Variants in PLCH2 observed in about 807,000 individuals in gnomAD.
PLCH2 encodes the protein 1-phosphatidylinositol 4,5-bisphosphate phosphodiesterase eta-2.
Under a neutral mutation model 134.7 loss-of-function variants are expected in PLCH2, and 98 were observed. The observed-to-expected ratio is 0.73, with a 90% CI of 0.62 to 0.86. The LOEUF (loss-of-function observed/expected upper bound fraction) is 0.86, where lower values mean the gene tolerates loss of function less well. PLCH2 is among the 40% of genes least tolerant of loss of function. The pLI is 0.00. For synonymous variants in PLCH2, 974 were observed against 827.5 expected (o/e 1.18, Z -3.04); for missense variants, 1,994 against 1,986.6 (o/e 1.00, Z -0.07).
intron 11 of PLCH2, among the ~76,000 whole-genome samples, chr1:2,491,679 T>G (rs1642590643): frequency 6.6e-6 from 1 of 152,078 alleles, no homozygotes; most frequent in South Asian, 2.1e-4. Context: ...GCAGACACAA[T>G]GGAGTGTGTG....
Position 2,503,956 on chromosome 1 carries a change from C to A in PLCH2, c.2994C>A (p.Pro998=). The change falls in exon 22 of 22, where the codon CCC becomes CCA. Residue 998 remains proline, a synonymous_variant. Coordinates refer to ENST00000378486, the MANE Select transcript of PLCH2 (RefSeq NM_014638.4). ...CCCTCTCCACGCAGCGGCCACTCCC[C>A]CCACTGTGCAGCCTGGAAACCATCG... The part of the protein sequence containing the change: ...TRPLSTQRPL[P]PLCSLETIAE... The A allele has an allele frequency of 6.9e-7, 1 of 1,452,452 alleles. No individual in the cohort carries two copies. The allele number at this position is 1,452,452 out of a possible 1,614,324, so 90.0% of individuals were successfully genotyped here.
At position 2,439,532 on chromosome 1, in the gene PLCH2, T is replaced by G. The variant is rs1639591516; in HGVS notation, c.115+8903T>G. Among the ~76,000 whole-genome samples, 1 of 152,264 alleles carries G rather than the reference T, an allele frequency of 6.6e-6. No individual in the cohort carries two copies. The highest frequency in any genetic ancestry group is 1.5e-5 in the Non-Finnish European group (1 of 68,046). Reference sequence around the variant, plus strand: ...GAAACACACACTTTCTAAATTTAGCTGCTGAGGATTGCACGTTTACCCGAT... The same window carrying G: ...GAAACACACACTTTCTAAATTTAGCGGCTGAGGATTGCACGTTTACCCGAT... On this transcript the variant is annotated intron_variant, in intron 2 of 3. Transcript: ENST00000609981. The surrounding 1 kb of genome is among the most constrained non-coding windows in gnomAD (Gnocchi z 4.7).
At chr1:2,479,649 G>T (rs1641840763) in intron 2 of PLCH2, 85 bp from the exon 3 acceptor site, 2 of 1,402,706 alleles carry the variant, frequency 1.4e-6, no homozygotes, top group Non-Finnish European at 1.9e-6. Flanking sequence ...GCTCCCGGCT[G>T]CTTGGTCTCC....
intron 3 of PLCH2, 100 bp from the exon 4 acceptor site, chr1:2,480,083 C>T (rs1034128487): frequency 3.4e-5 from 53 of 1,579,816 alleles, no homozygotes; most frequent in Middle Eastern, 1.7e-4. Flanking sequence ...GGGAAGTGGC[C>T]GGTAGGCTGG....
At chr1:2,440,664 A>G (rs1219095398) in intron 2 of PLCH2, among the ~76,000 whole-genome samples, 1 of 128,596 alleles carries the variant, frequency 7.8e-6, no homozygotes, top group African/African-American at 3.2e-5. Context: ...GCGACCAGGG[A>G]TCCTCTCTCC....
At chr1:2,503,347 G>A (rs1643343772) in intron 21 of PLCH2, 2 of 582,502 alleles carry the variant, frequency 3.4e-6, no homozygotes, top group South Asian at 2.0e-5. Flanking sequence ...AGGCTCCAGG[G>A]GTCCCTACTG....
intron 1 of PLCH2, among the ~76,000 whole-genome samples, chr1:2,430,158 A>G (rs929060524): frequency 6.6e-6 from 1 of 152,074 alleles, no homozygotes; most frequent in Admixed American, 6.5e-5. Context: ...CTCTTCAGAC[A>G]CAGCTACCCA....
Position 2,442,514 on chromosome 1 carries a change from G to A in PLCH2, c.115+11885G>A, listed in dbSNP as rs574816349. 3.3e-5 allele frequency among the ~76,000 whole-genome samples: 5 copies of A among 152,344 alleles called. 1 individual carries two copies. The South Asian group carries it at 1.0e-3, about 32-fold the overall frequency. On this transcript the variant is annotated intron_variant, in intron 2 of 3. Coordinates refer to the PLCH2 transcript ENST00000609981. ...CTCAGACTCAGCCTTTCCTCTCCCT[G>A]GCAGGCAGAGCTGACGGGCCCAGGG...
rs948398172 is a variant in PLCH2, at chr1:2,439,148, C to A, written c.115+8519C>A. 3.9e-5 allele frequency among the ~76,000 whole-genome samples: 6 copies of A among 152,226 alleles called. No homozygotes were observed. The highest frequency in any genetic ancestry group is 7.3e-5 in the Non-Finnish European group (5 of 68,044). On this transcript the variant is annotated intron_variant, in intron 2 of 3. Transcript: ENST00000609981. The surrounding 1 kb of genome is among the most constrained non-coding windows in gnomAD (Gnocchi z 4.7). ...TGTCTCTGGGGACCCTGGGCAGGTG[C>A]CTTTCTCTCTTTGTGCCTCAGTTTC...
At chr1:2,442,007 G>T (rs1033828011) in intron 2 of PLCH2, among the ~76,000 whole-genome samples, 2 of 152,192 alleles carry the variant, frequency 1.3e-5, no homozygotes, top group Non-Finnish European at 1.5e-5. Flanking sequence ...AGTCTCCAGG[G>T]CTGTGTGGAG....
the PLCH2 span, among the ~76,000 whole-genome samples, chr1:2,417,818 C>T: frequency 2.6e-5 from 4 of 152,214 alleles, no homozygotes; most frequent in East Asian, 1.9e-4. Flanking sequence ...ACAGCCTCTG[C>T]GCTGAGGTGT....
At chr1:2,465,257 A>G (rs1381712440), upstream of PLCH2, among the ~76,000 whole-genome samples, 1 of 152,148 alleles carries the variant, frequency 6.6e-6, no homozygotes, top group Non-Finnish European at 1.5e-5. Context: ...ATCCAGCCTT[A>G]GACTGTGGGG....
In PLCH2 at chr1:2,489,845, A is replaced by G. The variant is rs1642473111; in HGVS notation, c.1493A>G (p.Asp498Gly). 6.2e-7 allele frequency: 1 copy of G among 1,612,424 alleles called. No individual in the cohort carries two copies. The highest frequency in any genetic ancestry group is 1.7e-5 in the Admixed American group (1 of 60,004). ...DEDSADEIDD[D>G]CKLLNGDAST... ...GACAGTGCTGATGAGATTGACGATG[A>G]CTGCAAGCTCCTCAATGGGGATGTG... The change falls in exon 10 of 22, where the codon GAC (aspartate) becomes GGC (glycine). Residue 498 changes from aspartate (D) to glycine (G), a missense_variant. Around this residue, in one of 2 missense-constraint regions of PLCH2, gnomAD observed 1,094 missense variants for 1,234.3 expected, o/e 0.89. Transcript: ENST00000378486.
In PLCH2 at chr1:2,444,434, A is replaced by G. The variant is rs1639845861; in HGVS notation, c.115+13805A>G. ...CTGGGGGGAGCCGGCCTCTCCCCACACTAGCAGGTGGGGTGCAGCGGGCAC... is the reference window on the plus strand; with the variant it reads ...CTGGGGGGAGCCGGCCTCTCCCCACGCTAGCAGGTGGGGTGCAGCGGGCAC... On this transcript the variant is annotated intron_variant, in intron 2 of 3. Coordinates refer to the PLCH2 transcript ENST00000609981. This position sits in a 1 kb window ranked among gnomAD's most constrained non-coding sequence, Gnocchi z 4.6. Among the ~76,000 whole-genome samples the G allele has an allele frequency of 6.6e-6, 1 of 152,036 alleles. No homozygotes were observed. Among genetic ancestry groups the G allele is most frequent in the Non-Finnish European group, 1.5e-5 (1 of 67,948 alleles).
intron 2 of PLCH2, among the ~76,000 whole-genome samples, chr1:2,445,855 A>G (rs1639918190): frequency 6.6e-6 from 1 of 152,244 alleles, no homozygotes; most frequent in South Asian, 2.1e-4. Flanking sequence ...AATGTCCACA[A>G]CACATGAAGA....
intron 2 of PLCH2, among the ~76,000 whole-genome samples, chr1:2,450,629 C>T (rs1640159150): frequency 1.2e-5 from 1 of 82,824 alleles, no homozygotes; most frequent in Admixed American, 1.2e-4. Flanking sequence ...CCAACTCCAA[C>T]TCCCCCCCTG....
rs1642541085 is a variant in PLCH2, at chr1:2,490,947, T to C, written c.1516-245T>C. 2.0e-5 allele frequency among the ~76,000 whole-genome samples: 3 copies of C among 152,174 alleles called. No homozygotes were observed. The South Asian group carries it at 6.2e-4, about 31-fold the overall frequency. Reference sequence around the variant, plus strand: ...TGTGCCGCCTGCTGGCGCACTGACCTCCCAGGCCACAGGGCCAGAAGCCGC... The same window carrying C: ...TGTGCCGCCTGCTGGCGCACTGACCCCCCAGGCCACAGGGCCAGAAGCCGC... On this transcript the variant is annotated intron_variant, in intron 10 of 21. Transcript: ENST00000378486.
intron 7 of PLCH2, 89 bp from the exon 8 acceptor site, chr1:2,487,509 G>A (rs1642351295): frequency 6.6e-7 from 1 of 1,517,536 alleles, no homozygotes. Context: ...ACTGAGCAAT[G>A]GGACAGGCCC....
At chr1:2,503,182 G>A (rs1643335193) in intron 21 of PLCH2, 3 of 613,238 alleles carry the variant, frequency 4.9e-6, no homozygotes, top group Non-Finnish European at 3.0e-6. Context: ...CTTGCTGAGG[G>A]TCTGGGGCCG....
Sources: gnomAD v4.1 joint callset for allele counts (sites outside exome capture counted in the v4.1 genomes callset) on GRCh38, gnomAD v4.1.1 for gene constraint, gnomAD v4.1.1 regional missense constraint, Gnocchi (gnomAD v3.1) non-coding constraint, MANE v1.5 for transcripts, NCBI Gene and HGNC (gene_info 2026-07-23, HGNC 2026-07-21) for gene names.